The following CSMD1 variants were observed in gnomAD, a reference collection of about 807,000 sequenced individuals.
CSMD1 encodes the protein CUB and sushi domain-containing protein 1.
A neutral mutation model predicts 417.5 loss-of-function variants in CSMD1; 213 were observed. That is an observed-to-expected ratio of 0.51 (90% CI 0.46 to 0.57). The LOEUF is 0.57. Ranked by LOEUF, CSMD1 falls within the 20% of genes least tolerant of loss-of-function variation. The pLI, the probability that CSMD1 is intolerant of heterozygous loss-of-function variation, is 0.00. For missense variants in CSMD1, 6,923 were observed against 4,529.7 expected (o/e 1.53, Z -15.17); for synonymous variants, 2,862 against 1,736.8 (o/e 1.65, Z -16.11).
rs149032701 is a variant in CSMD1 at position 4,933,524 on chromosome 8, G to T, written c.85+60808C>A. On this transcript the variant is annotated intron_variant, in intron 1 of 69. Transcript: ENST00000635120. Reference sequence around the variant, plus strand: ...GCCAGCAGTTGCTCTGTGACTTCAAGACAGAGAGAAAAATACTTTCGAAAA... The same window carrying T: ...GCCAGCAGTTGCTCTGTGACTTCAATACAGAGAGAAAAATACTTTCGAAAA... Among the ~76,000 whole-genome samples, 770 of 152,252 alleles carry T rather than the reference G, an allele frequency of 5.1e-3. 3 individuals carry two copies. Among genetic ancestry groups the T allele is most frequent in the South Asian group, 9.9e-3 (48 of 4,826 alleles).
chr8:4,016,111 G>A (rs895810639), intron 4 of CSMD1, among the ~76,000 whole-genome samples: 3 of 152,098 alleles, frequency 2.0e-5, no homozygotes, highest in Non-Finnish European at 2.9e-5. Flanking sequence ...TTTGGGATGG[G>A]ATCATATAAA....
At chr8:4,121,326 G>T (rs573826524) in intron 3 of CSMD1, among the ~76,000 whole-genome samples, 1 of 152,130 alleles carries the variant, frequency 6.6e-6, no homozygotes, top group East Asian at 1.9e-4. Context: ...TGTTGGCCAG[G>T]CTGGTCTCAA....
At chr8:3,911,592 A>C (rs544256995) in intron 5 of CSMD1, among the ~76,000 whole-genome samples, 83 of 151,758 alleles carry the variant, frequency 5.5e-4, no homozygotes, top group African/African-American at 1.8e-3. Flanking sequence ...GCTGGTCTTT[A>C]TATTTCCAGT....
At chr8:4,177,009 T>A (rs536978077) in intron 3 of CSMD1, among the ~76,000 whole-genome samples, 2 of 151,950 alleles carry the variant, frequency 1.3e-5, no homozygotes, top group East Asian at 3.9e-4. Flanking sequence ...CTGTCAACAT[T>A]AGAAATATCA....
chr8:3,812,679 C>A (rs929583664), intron 5 of CSMD1, among the ~76,000 whole-genome samples: 1 of 152,162 alleles, frequency 6.6e-6, no homozygotes, highest in Admixed American at 6.5e-5. Flanking sequence ...GAGATTGCAA[C>A]GCATGCAAAT....
chr8:3,338,970 T>A (rs1187081720), intron 23 of CSMD1, among the ~76,000 whole-genome samples: 1 of 146,122 alleles, frequency 6.8e-6, no homozygotes, highest in Non-Finnish European at 1.5e-5. Flanking sequence ...TATCTCCCGA[T>A]GCTCTCCCTC....
At chr8:3,669,854 C>G (rs1482316955) in intron 7 of CSMD1, among the ~76,000 whole-genome samples, 1 of 152,116 alleles carries the variant, frequency 6.6e-6, no homozygotes, top group Non-Finnish European at 1.5e-5. Flanking sequence ...CAGCCATGAA[C>G]AGGAGGGGCC....
At chr8:3,879,563 G>A (rs1395821365) in intron 5 of CSMD1, among the ~76,000 whole-genome samples, 2 of 152,164 alleles carry the variant, frequency 1.3e-5, no homozygotes, top group African/African-American at 4.8e-5. Flanking sequence ...ATTCTCTATT[G>A]ATATTACCTT....
intron 10 of CSMD1, among the ~76,000 whole-genome samples, chr8:3,515,692 T>G (rs1046793976): frequency 2.0e-5 from 3 of 152,154 alleles, no homozygotes; most frequent in African/African-American, 7.2e-5. Context: ...CATCACATAT[T>G]CTAGGCCAAA....
intron 19 of CSMD1, among the ~76,000 whole-genome samples, chr8:3,368,650 C>T (rs1040727873): frequency 6.6e-6 from 1 of 152,146 alleles, no homozygotes; most frequent in Non-Finnish European, 1.5e-5. Flanking sequence ...CAAATAGACT[C>T]TTAAAGATGA....
Position 3,356,035 on chromosome 8 carries a change from T to C in CSMD1, c.3304+3117A>G, listed in dbSNP as rs1438795526. 6.6e-5 allele frequency among the ~76,000 whole-genome samples: 10 copies of C among 152,188 alleles called. No individual in the cohort carries two copies. In the East Asian group the frequency reaches 1.7e-3, roughly 27 times the overall value. On this transcript the variant is annotated intron_variant, in intron 21 of 69. Coordinates refer to ENST00000635120, the MANE Select transcript of CSMD1 (RefSeq NM_033225.6). Reference sequence around the variant, plus strand: ...AGTTTCCATCTCTTTCATTTCAAAGTGACTTGATAGAGAGAGAAATAGTTC... The same window carrying C: ...AGTTTCCATCTCTTTCATTTCAAAGCGACTTGATAGAGAGAGAAATAGTTC...
At chr8:3,669,906 AT>A (rs1054524761) in intron 7 of CSMD1, among the ~76,000 whole-genome samples, 2 of 152,140 alleles carry the variant, frequency 1.3e-5, no homozygotes, top group Non-Finnish European at 2.9e-5. Context: ...CTTTCTTAAC[AT>A]TTGAGGAAAT....
chr8:3,968,772 T>C (rs1467765054), intron 5 of CSMD1, among the ~76,000 whole-genome samples: 6 of 152,038 alleles, frequency 3.9e-5, no homozygotes. Flanking sequence ...TGAAGATGGG[T>C]GGGGATTTGT....
intron 5 of CSMD1, among the ~76,000 whole-genome samples, chr8:3,903,522 A>G (rs541071442): frequency 3.9e-5 from 6 of 152,330 alleles, no homozygotes; most frequent in Non-Finnish European, 7.3e-5. Flanking sequence ...ATACAGATAC[A>G]GTAATTGCCG....
chr8:3,991,246 C>T (rs1167801222), intron 5 of CSMD1, among the ~76,000 whole-genome samples: 1 of 152,298 alleles, frequency 6.6e-6, no homozygotes, highest in East Asian at 1.9e-4. Flanking sequence ...AGAAATTATC[C>T]GTACAGTAGA....
chr8:3,493,186 C>A (rs2117300434), intron 11 of CSMD1, among the ~76,000 whole-genome samples: 1 of 150,772 alleles, frequency 6.6e-6, no homozygotes, highest in Admixed American at 6.6e-5. Context: ...CCCAGCTACT[C>A]AGGAGGGTGA....
chr8:3,055,071 T>C (rs1050506223), intron 49 of CSMD1, among the ~76,000 whole-genome samples: 11 of 152,204 alleles, frequency 7.2e-5, no homozygotes, highest in African/African-American at 1.7e-4. Flanking sequence ...ATGTGCGCAG[T>C]GTTCAGCTTC....
intron 27 of CSMD1, among the ~76,000 whole-genome samples, chr8:3,228,459 T>C (rs896591705): frequency 2.0e-5 from 3 of 152,150 alleles, no homozygotes; most frequent in African/African-American, 7.2e-5. Context: ...TGTAGGCGGG[T>C]CTGGTTGCCA....
chr8:4,379,113 A>C (rs1444263226), intron 3 of CSMD1, among the ~76,000 whole-genome samples: 1 of 152,220 alleles, frequency 6.6e-6, no homozygotes, highest in South Asian at 2.1e-4. Flanking sequence ...TAATGTTAAC[A>C]TCATAAGTGA....
Sources: gnomAD v4.1 joint callset for allele counts (sites outside exome capture counted in the v4.1 genomes callset) on GRCh38, gnomAD v4.1.1 for gene constraint, MANE v1.5 for transcripts, NCBI Gene and HGNC (gene_info 2026-07-23, HGNC 2026-07-21) for gene names.